The following STPG2 variants were observed in gnomAD, a reference collection of about 807,000 sequenced individuals.
STPG2 encodes the protein sperm tail PG-rich repeat containing 2.
In STPG2, 56 loss-of-function variants were observed where a neutral mutation model predicts 54.2. That is an observed-to-expected ratio of 1.03 (90% CI 0.83 to 1.29). The LOEUF (loss-of-function observed/expected upper bound fraction) is 1.29. Ranked by LOEUF, STPG2 falls within the 50% of genes most tolerant of loss-of-function variation. The pLI is 0.00. For synonymous variants in STPG2, 200 were observed against 181.8 expected (o/e 1.10, Z -0.81); for missense variants, 596 against 544.9 (o/e 1.09, Z -0.93).
chr4:97,538,981 T>G (rs1578372272), intron 4 of STPG2, among the ~76,000 whole-genome samples: 3 of 152,052 alleles, frequency 2.0e-5, no homozygotes, highest in Non-Finnish European at 2.9e-5. Flanking sequence ...CCTTTACAGA[T>G]AAGCAAATGC....
intron 5 of STPG2, among the ~76,000 whole-genome samples, chr4:97,990,338 T>A (rs954191744): frequency 6.6e-6 from 1 of 152,108 alleles, no homozygotes; most frequent in Non-Finnish European, 1.5e-5. Flanking sequence ...AGCTCCAAAA[T>A]AAGTCTGTGA....
chr4:97,800,317 T>C (rs1727344300), intron 9 of STPG2, among the ~76,000 whole-genome samples: 1 of 152,226 alleles, frequency 6.6e-6, no homozygotes, highest in Non-Finnish European at 1.5e-5. Context: ...TGTGGTTTTA[T>C]CTACTTTGGT....
chr4:97,838,110 A>G (rs1728684917), intron 9 of STPG2, among the ~76,000 whole-genome samples: 1 of 151,646 alleles, frequency 6.6e-6, no homozygotes, highest in South Asian at 2.1e-4. Flanking sequence ...ACACACATAT[A>G]TACATATAAC....
chr4:97,999,059 T>C (rs1032774058), intron 5 of STPG2, among the ~76,000 whole-genome samples: 2 of 152,210 alleles, frequency 1.3e-5, no homozygotes, highest in Admixed American at 6.5e-5. Flanking sequence ...CATTTTGCTT[T>C]AGTAATCGAA....
chr4:98,028,078 C>G (rs571524211), intron 5 of STPG2, among the ~76,000 whole-genome samples: 1 of 152,236 alleles, frequency 6.6e-6, no homozygotes, highest in Admixed American at 6.5e-5. Context: ...AGTCATACAC[C>G]TGATTTCTTC....
intron 4 of STPG2, among the ~76,000 whole-genome samples, chr4:97,529,168 G>C (rs542120172): frequency 6.6e-6 from 1 of 152,220 alleles, no homozygotes; most frequent in South Asian, 2.1e-4. Flanking sequence ...TCAATACCTA[G>C]TTTATTGAGA....
intron 10 of STPG2, among the ~76,000 whole-genome samples, chr4:97,622,742 T>C (rs1234812070): frequency 1.3e-5 from 2 of 152,048 alleles, no homozygotes; most frequent in East Asian, 1.9e-4. Flanking sequence ...AATGACATTG[T>C]TTACAGAATT....
chr4:97,713,386 G>A (rs569866509), intron 9 of STPG2, among the ~76,000 whole-genome samples: 2 of 152,250 alleles, frequency 1.3e-5, no homozygotes, highest in Admixed American at 1.3e-4. Flanking sequence ...AATTCTTACA[G>A]AAGTGACCAG....
chr4:97,463,382 A>G (rs1286075710), intron 4 of STPG2, among the ~76,000 whole-genome samples: 3 of 152,188 alleles, frequency 2.0e-5, no homozygotes, highest in African/African-American at 7.2e-5. Context: ...GAAAAGTAGT[A>G]GAAAGGATAT....
chr4:97,860,443 C>A (rs943680192), intron 8 of STPG2, among the ~76,000 whole-genome samples: 2 of 151,374 alleles, frequency 1.3e-5, no homozygotes, highest in Admixed American at 1.3e-4. Flanking sequence ...GGTCTTTCAC[C>A]TCCTTGGTCA....
At chr4:97,963,297 A>G (rs1440325161) in intron 7 of STPG2, among the ~76,000 whole-genome samples, 6 of 152,180 alleles carry the variant, frequency 3.9e-5, no homozygotes, top group African/African-American at 1.4e-4. Flanking sequence ...AACATTCATG[A>G]TGGATTTAAA....
intron 8 of STPG2, among the ~76,000 whole-genome samples, chr4:97,912,977 G>T (rs1731738456): frequency 2.0e-5 from 3 of 152,198 alleles, no homozygotes; most frequent in Non-Finnish European, 4.4e-5. Context: ...AAGCTTAGAA[G>T]GACCTGATAG....
chr4:97,441,640 TA>T (rs937669238), intron 4 of STPG2: 5 of 151,992 alleles, frequency 3.3e-5, no homozygotes, highest in Non-Finnish European at 5.9e-5. Flanking sequence ...TTACTTCTAA[TA>T]AAAAAGATAT....
chr4:97,521,117 C>T (rs747308757), intron 4 of STPG2, among the ~76,000 whole-genome samples: 5 of 151,898 alleles, frequency 3.3e-5, no homozygotes, highest in African/African-American at 4.8e-5. Flanking sequence ...CATTATTAAA[C>T]AGTATATTGC....
intron 9 of STPG2, among the ~76,000 whole-genome samples, chr4:97,783,004 C>T (rs1251254460): frequency 6.6e-6 from 1 of 152,166 alleles, no homozygotes; most frequent in Non-Finnish European, 1.5e-5. Flanking sequence ...CAATACCATT[C>T]AGGACATAGG....
intron 7 of STPG2, among the ~76,000 whole-genome samples, chr4:97,957,994 A>T (rs989249855): frequency 2.0e-5 from 3 of 152,072 alleles, no homozygotes; most frequent in African/African-American, 7.2e-5. Flanking sequence ...CAGGACCTAC[A>T]AAACAAAAAT....
chr4:98,033,912 T>C (rs1187904646), intron 5 of STPG2, among the ~76,000 whole-genome samples: 2 of 152,156 alleles, frequency 1.3e-5, no homozygotes, highest in Non-Finnish European at 2.9e-5. Context: ...CCCTTAATGC[T>C]AAAAACTCTC....
At chr4:98,114,639 T>C (rs1739455279) in intron 3 of STPG2, among the ~76,000 whole-genome samples, 3 of 152,022 alleles carry the variant, frequency 2.0e-5, no homozygotes, top group Admixed American at 6.6e-5. Context: ...ATTTACATTA[T>C]TGAGATTTTA....
At chr4:98,101,326 T>A (rs753462118) in intron 5 of STPG2, among the ~76,000 whole-genome samples, 3 of 152,214 alleles carry the variant, frequency 2.0e-5, no homozygotes, top group African/African-American at 7.2e-5. Context: ...ATTTTTCCCA[T>A]GCATTTTCTC....
Sources: allele counts gnomAD v4.1 joint callset (sites outside exome capture counted in the v4.1 genomes callset), GRCh38; gene constraint gnomAD v4.1.1; transcripts MANE v1.5; gene names NCBI Gene and HGNC (gene_info 2026-07-23, HGNC 2026-07-21).